MAGI1: variants seen among roughly 807,000 people sequenced by gnomAD.
The protein encoded by MAGI1 is membrane-associated guanylate kinase, WW and PDZ domain-containing protein 1.
A neutral mutation model predicts 139.9 loss-of-function variants in MAGI1; 58 were observed. The ratio of observed to expected loss-of-function variants is 0.41; its 90% CI spans 0.34 to 0.52. The LOEUF is 0.52. Ranked by LOEUF, MAGI1 falls within the 20% of genes least tolerant of loss-of-function variation. The probability of loss-of-function intolerance (pLI) is 0.12; values close to 1 mark genes in which losing one functional copy is unlikely to be tolerated. For synonymous variants in MAGI1, 812 were observed against 737.9 expected (o/e 1.10, Z -1.63); for missense variants, 1,874 against 1,901.6 (o/e 0.99, Z 0.27).
intron 14 of MAGI1, among the ~76,000 whole-genome samples, chr3:65,384,833 C>T (rs1176438162): frequency 6.6e-6 from 1 of 151,558 alleles, no homozygotes; most frequent in African/African-American, 2.4e-5. Flanking sequence ...AGGCTATTTT[C>T]TAGGGATTTA....
At chr3:65,454,735 A>AAAAC (rs5849672) in intron 5 of MAGI1, among the ~76,000 whole-genome samples, 1 of 149,328 alleles carries the variant, frequency 6.7e-6, no homozygotes, top group African/African-American at 2.5e-5. Flanking sequence ...AAAAAAAAAA[A>AAAAC]CATATGGCTT....
At chr3:65,476,858 T>G (rs1477806306) in intron 4 of MAGI1, among the ~76,000 whole-genome samples, 1 of 152,216 alleles carries the variant, frequency 6.6e-6, no homozygotes, top group Non-Finnish European at 1.5e-5. Context: ...AGATGAAAGA[T>G]TCCTAAATGA....
intron 3 of MAGI1, among the ~76,000 whole-genome samples, chr3:65,490,917 G>C (rs1951983652): frequency 6.6e-6 from 1 of 150,870 alleles, no homozygotes; most frequent in African/African-American, 2.4e-5. Flanking sequence ...GCTGCTAATA[G>C]GCCAAAGGCT....
At chr3:65,475,200 G>T (rs545297314) in intron 4 of MAGI1, among the ~76,000 whole-genome samples, 273 of 151,834 alleles carry the variant, frequency 1.8e-3, no homozygotes, top group Non-Finnish European at 3.4e-3. Context: ...GTGGTGATTT[G>T]TTACACATTT....
rs772917639 is a variant in MAGI1, at chr3:65,356,728, G to T, written c.4039C>A (p.Arg1347=). Residue 1347 remains arginine (R), a synonymous_variant, in exon 23 of 23, where the codon CGA becomes AGA. Coordinates refer to ENST00000402939, the MANE Select transcript of MAGI1 (RefSeq NM_001033057.2). ...LERREKHEKR[R]DVSPERRRER... is the part of the protein sequence containing the mutation. ...CGCCTCCGCTCCGGAGAGACGTCTC[G>T]TCTCTTCTCGTGCTTCTCCCTCCTC... 4 of 1,593,558 alleles carry T rather than the reference G, an allele frequency of 2.5e-6. No individual in the cohort carries two copies. The highest frequency in any genetic ancestry group is 2.3e-5 in the South Asian group (2 of 87,206).
Position 65,741,505 on chromosome 3 carries a change from A to G in MAGI1, c.314-119417T>C, listed in dbSNP as rs571444874. 7.9e-5 allele frequency among the ~76,000 whole-genome samples: 12 copies of G among 152,302 alleles called. No homozygotes were observed. In the South Asian group the frequency reaches 1.7e-3, roughly 21 times the overall value. ...TTTATTTATTAAGCTACAACATTTG[A>G]TGAGCACATTTGATGAAATAAAAAG... On this transcript the variant is annotated intron_variant, in intron 1 of 22. Transcript: ENST00000402939.
intron 1 of MAGI1, among the ~76,000 whole-genome samples, chr3:65,848,426 C>A (rs994043632): frequency 2.0e-5 from 3 of 152,052 alleles, no homozygotes; most frequent in African/African-American, 7.2e-5. Flanking sequence ...TACTCCTGGC[C>A]CCATGGACCT....
At chr3:65,416,724 G>A (rs1946246888) in intron 12 of MAGI1, among the ~76,000 whole-genome samples, 1 of 152,076 alleles carries the variant, frequency 6.6e-6, no homozygotes, top group South Asian at 2.1e-4. Flanking sequence ...AACAATAAAG[G>A]GCATTTTCCA....
chr3:65,362,443 T>C (rs1940966732), intron 21 of MAGI1, among the ~76,000 whole-genome samples: 1 of 152,186 alleles, frequency 6.6e-6, no homozygotes, highest in Non-Finnish European at 1.5e-5. Flanking sequence ...TGTACCACCA[T>C]GTATCTCCCC....
chr3:65,464,200 T>C (rs1033909163), intron 5 of MAGI1, among the ~76,000 whole-genome samples: 9 of 152,132 alleles, frequency 5.9e-5, no homozygotes, highest in African/African-American at 1.9e-4. Context: ...AATCAGCTAT[T>C]TCTTTCATTG....
intron 4 of MAGI1, among the ~76,000 whole-genome samples, chr3:65,476,075 G>C (rs1443780475): frequency 1.3e-5 from 2 of 151,876 alleles, no homozygotes; most frequent in African/African-American, 4.8e-5. Context: ...CAAACTGGCT[G>C]GTGGATTCCT....
At chr3:66,024,182 AAT>A (rs2068105182) in intron 1 of MAGI1, among the ~76,000 whole-genome samples, 1 of 151,962 alleles carries the variant, frequency 6.6e-6, no homozygotes, top group Non-Finnish European at 1.5e-5. Context: ...GTGAGAGACA[AAT>A]ATATAAACAA....
intron 1 of MAGI1, among the ~76,000 whole-genome samples, chr3:65,730,676 C>T (rs925458560): frequency 3.9e-5 from 6 of 152,104 alleles, no homozygotes; most frequent in African/African-American, 1.2e-4. Context: ...GGTCAGTTAG[C>T]GGGAACAGGG....
Position 65,379,274 on chromosome 3 carries a change from T to G in MAGI1, c.2982A>C (p.Ala994=). The stretch of plus-strand genomic sequence containing the variant: ...TTCAGCACTCACCAAAGGTCGTGCC[T>G]GCTTCGGGCCTGCTCACCGAGGACA... ...VIVSSVSRPE[A]GTTFGNACVA... The change falls in exon 17 of 23, where the codon GCA becomes GCC. Residue 994 remains alanine (A), a synonymous_variant. Transcript: ENST00000402939. The G allele has an allele frequency of 6.2e-7, 1 of 1,612,430 alleles. No homozygotes were observed. Among genetic ancestry groups the G allele is most frequent in the Non-Finnish European group, 8.5e-7 (1 of 1,179,210 alleles).
rs192349472 is a variant in MAGI1 at position 65,509,339 on chromosome 3, T to C, written c.431-15708A>G. The stretch of plus-strand genomic sequence containing the variant: ...AATAGGAACAGCTCCGGTCTACAGC[T>C]CCCAGCGTGAGCGACGCAGAAGACG... On this transcript the variant is annotated intron_variant, in intron 2 of 22. Coordinates refer to ENST00000402939, the MANE Select transcript of MAGI1 (RefSeq NM_001033057.2). Among the ~76,000 whole-genome samples the C allele has an allele frequency of 3.7e-3, 558 of 152,248 alleles. 3 individuals carry two copies. The highest frequency in any genetic ancestry group is 0.012 in the African/African-American group (509 of 41,544).
chr3:65,984,452 T>A (rs145558972), intron 1 of MAGI1, among the ~76,000 whole-genome samples: 2 of 151,970 alleles, frequency 1.3e-5, no homozygotes, highest in Non-Finnish European at 2.9e-5. Context: ...CCAATCTGCA[T>A]GTTCATATTT....
Position 65,997,370 on chromosome 3 carries a change from A to G in MAGI1, c.313+40626T>C, listed in dbSNP as rs933635789. Among the ~76,000 whole-genome samples the G allele has an allele frequency of 2.6e-4, 39 of 152,208 alleles. 1 individual carries two copies. Among genetic ancestry groups the G allele is most frequent in the African/African-American group, 9.2e-4 (38 of 41,452 alleles). On this transcript the variant is annotated intron_variant, in intron 1 of 22. Transcript: ENST00000402939. ...GGCCTCACAGAACTCAGTAAAAATA[A>G]TATCAGCCAGGCGCGGTGGCTCACG...
intron 1 of MAGI1, among the ~76,000 whole-genome samples, chr3:65,893,413 C>T (rs955956332): frequency 1.3e-5 from 2 of 151,470 alleles, no homozygotes; most frequent in East Asian, 1.9e-4. Flanking sequence ...ATTTACATAA[C>T]GCCTTTAAAA....
intron 2 of MAGI1, among the ~76,000 whole-genome samples, chr3:65,609,041 A>T (rs2082897636): frequency 6.6e-6 from 1 of 152,194 alleles, no homozygotes; most frequent in African/African-American, 2.4e-5. Flanking sequence ...ACAGGCAAAA[A>T]TAATCCAGGG....
Sources: gnomAD v4.1 joint callset for allele counts (sites outside exome capture counted in the v4.1 genomes callset) on GRCh38, gnomAD v4.1.1 for gene constraint, MANE v1.5 for transcripts, NCBI Gene and HGNC (gene_info 2026-07-23, HGNC 2026-07-21) for gene names.